Variants in NBR1 observed in about 807,000 individuals in gnomAD.
NBR1 encodes the protein next to BRCA1 gene 1 protein.
NBR1 carries 59 observed loss-of-function variants against 115.5 expected under a neutral mutation model. That is an observed-to-expected ratio of 0.51 (90% confidence interval 0.41 to 0.63). The LOEUF (loss-of-function observed/expected upper bound fraction) is 0.63. Ranked by LOEUF, NBR1 falls within the 30% of genes least tolerant of loss-of-function variation. The probability of loss-of-function intolerance (pLI) is 0.00; values close to 1 mark genes in which losing one functional copy is unlikely to be tolerated. For synonymous variants in NBR1, 373 were observed against 414.7 expected (o/e 0.90, Z 1.22); for missense variants, 1,043 against 1,150.5 (o/e 0.91, Z 1.35).
rs920033919 is a variant in NBR1 at position 43,203,560 on chromosome 17, C to G, written c.2622-121C>G. 3 of 612,712 alleles carry G rather than the reference C, an allele frequency of 4.9e-6. No individual in the cohort carries two copies. In the African/African-American group the frequency reaches 5.5e-5, roughly 11 times the overall value. 38.0% of individuals were successfully genotyped at this position (612,712 alleles called of 1,614,324 possible). On this transcript the variant is annotated intron_variant, in intron 19 of 20. Transcript: ENST00000590996. ...CTGATAATGAAAGCAATTGTGTTCT[C>G]TTTTTCCATCTAATTTTTTCTCTTA...
At chr17:43,204,155 G>A (rs775519906) in intron 20 of NBR1, among the ~76,000 whole-genome samples, 3 of 151,884 alleles carry the variant, frequency 2.0e-5, no homozygotes, top group Non-Finnish European at 4.4e-5. Context: ...AGCCAGGATG[G>A]TCTCAATCTC....
At chr17:43,179,994 C>G (rs1458112014) in intron 4 of NBR1, among the ~76,000 whole-genome samples, 1 of 152,094 alleles carries the variant, frequency 6.6e-6, no homozygotes, top group Non-Finnish European at 1.5e-5. Flanking sequence ...AAGAACTGAT[C>G]TACAGTAGAT....
chr17:43,209,113 G>A (rs1419110419), intron 20 of NBR1, among the ~76,000 whole-genome samples: 5 of 149,476 alleles, frequency 3.3e-5, no homozygotes, highest in African/African-American at 1.2e-4. Flanking sequence ...GTCTCGCTCT[G>A]TCACCCAGGC....
chr17:43,196,667 C>G (rs1230044423), intron 15 of NBR1, 76 bp downstream of exon 15: 6 of 1,113,796 alleles, frequency 5.4e-6, no homozygotes, highest in African/African-American at 4.7e-5. Flanking sequence ...CTATCCCCTA[C>G]TGACCCTACC....
At chr17:43,195,092 AC>A in intron 14 of NBR1, 53 bp downstream of exon 14, 2 of 1,388,938 alleles carry the variant, frequency 1.4e-6, no homozygotes, top group Non-Finnish European at 2.0e-6. Context: ...GCACAAAAGT[AC>A]CACAGCCTAG....
intron 4 of NBR1, 58 bp downstream of exon 4, chr17:43,179,470 G>A (rs545013193): frequency 6.8e-5 from 101 of 1,493,222 alleles, no homozygotes; most frequent in Non-Finnish European, 9.1e-5. Flanking sequence ...TGCTCATTGA[G>A]GCATTTCTAT....
rs143843534 is a variant in NBR1, at chr17:43,195,155, G to A, written c.1750+116G>A. 1,109 of 788,116 alleles carry A rather than the reference G, an allele frequency of 1.4e-3. 19 individuals carry two copies. In the Admixed American group the frequency reaches 0.022, roughly 16 times the overall value. 48.8% of individuals were successfully genotyped at this position (788,116 alleles called of 1,614,324 possible). A position where few individuals can be genotyped will look rare whatever the true frequency, so the allele number is the denominator to read the frequency against. On this transcript the variant is annotated intron_variant, in intron 14 of 20. Coordinates refer to ENST00000590996, the MANE Select transcript of NBR1 (RefSeq NM_005899.5). ...AATGGCAAGGATTTCTCCCACAGTA[G>A]GATAGTAAAGCAGCAATCATGGATC...
At chr17:43,201,641 T>G (rs762171507) in intron 17 of NBR1, 45 bp from the exon 18 acceptor site, 1 of 1,159,268 alleles carries the variant, frequency 8.6e-7, no homozygotes, top group African/African-American at 1.5e-5. Context: ...ACTGTTGCCA[T>G]AAGTGCCTTT....
chr17:43,191,077 T>G (rs2056932416), intron 9 of NBR1, among the ~76,000 whole-genome samples: 1 of 151,984 alleles, frequency 6.6e-6, no homozygotes, highest in African/African-American at 2.4e-5. Context: ...CATAGCAAGA[T>G]CCCGCCTCTA....
chr17:43,177,557 C>G (rs1212293795), intron 2 of NBR1, among the ~76,000 whole-genome samples: 1 of 141,666 alleles, frequency 7.1e-6, no homozygotes, highest in Non-Finnish European at 1.5e-5. Flanking sequence ...GTTCCCTACC[C>G]CACACCCCAC....
Position 43,190,726 on chromosome 17 carries a change from T to G in NBR1, c.813T>G (p.Cys271Trp), listed in dbSNP as rs2056924759. 6.2e-7 allele frequency: 1 copy of G among 1,613,792 alleles called. No individual in the cohort carries two copies. The highest frequency in any genetic ancestry group is 8.5e-7 in the Non-Finnish European group (1 of 1,179,760). ...RPVVGSSEPF[C>W]HSKYSTPRLP... ...TTGTGGGCTCCTCTGAACCGTTCTGTCACTCAAAGTACTCTACTCCTCGTC... is the reference window on the plus strand; with the variant it reads ...TTGTGGGCTCCTCTGAACCGTTCTGGCACTCAAAGTACTCTACTCCTCGTC... Residue 271 changes from cysteine to tryptophan, a missense_variant, in exon 9 of 21, where the codon TGT (cysteine) becomes TGG (tryptophan). By Grantham distance (215) the Cys-to-Trp change is radical. Transcript: ENST00000590996.
In NBR1 at chr17:43,210,801, A is replaced by G; in HGVS notation, c.*727A>G. 2.5e-6 allele frequency: 1 copy of G among 398,432 alleles called. No homozygotes were observed. Among genetic ancestry groups the G allele is most frequent in the Middle Eastern group, 6.3e-4 (1 of 1,584 alleles). 24.7% of individuals were successfully genotyped at this position (398,432 alleles called of 1,614,324 possible). A position where few individuals can be genotyped will look rare whatever the true frequency, so the allele number is the denominator to read the frequency against. Reference sequence around the variant, plus strand: ...TTTTGCATACATTTTTATTTAAGGGAAAAAATATAGGTATTGTGAAATATT... The same window carrying G: ...TTTTGCATACATTTTTATTTAAGGGGAAAAATATAGGTATTGTGAAATATT... On this transcript the variant is annotated 3_prime_UTR_variant, in exon 21 of 21. Transcript: ENST00000590996.
At position 43,210,783 on chromosome 17, in the gene NBR1, T is replaced by C. The variant is rs2057403300; in HGVS notation, c.*709T>C. ...CAATGTCTATTATAGTAATTTTGCATACATTTTTATTTAAGGGAAAAAATA... is the reference window on the plus strand; with the variant it reads ...CAATGTCTATTATAGTAATTTTGCACACATTTTTATTTAAGGGAAAAAATA... On this transcript the variant is annotated 3_prime_UTR_variant, in exon 21 of 21. Transcript: ENST00000590996. 5.0e-6 allele frequency: 2 copies of C among 398,540 alleles called. No individual in the cohort carries two copies. The highest frequency in any genetic ancestry group is 8.8e-5 in the Admixed American group (2 of 22,740). 24.7% of individuals were successfully genotyped at this position (398,540 alleles called of 1,614,324 possible). A position where few individuals can be genotyped will look rare whatever the true frequency, so the allele number is the denominator to read the frequency against.
At chr17:43,201,070 C>T (rs768217146) in intron 17 of NBR1, among the ~76,000 whole-genome samples, 55 of 152,168 alleles carry the variant, frequency 3.6e-4, no homozygotes, top group Non-Finnish European at 5.0e-4. Flanking sequence ...GGTTTTGCCA[C>T]GTTGTCCAGG....
At chr17:43,209,530 T>A in intron 20 of NBR1, 1 of 1,502,840 alleles carries the variant, frequency 6.7e-7, no homozygotes, top group Non-Finnish European at 9.0e-7. Context: ...ACTTCCCCCA[T>A]CATCACAATT....
chr17:43,189,299 C>G (rs1378610028), intron 7 of NBR1, among the ~76,000 whole-genome samples, 180 bp downstream of exon 7: 1 of 152,112 alleles, frequency 6.6e-6, no homozygotes. Context: ...AGTGAAGTGT[C>G]AGAAAAAGAG....
intron 8 of NBR1, 191 bp downstream of exon 8, chr17:43,189,993 T>A (rs1042776114): frequency 3.3e-6 from 2 of 602,318 alleles, no homozygotes; most frequent in African/African-American, 3.7e-5. Context: ...GATTGTTGTG[T>A]TCAAATGTGC....
At chr17:43,184,982 G>A (rs1047167988) in intron 5 of NBR1, among the ~76,000 whole-genome samples, 1 of 151,736 alleles carries the variant, frequency 6.6e-6, no homozygotes, top group African/African-American at 2.4e-5. Flanking sequence ...CCAGCTACTC[G>A]GGAGGCTGAG....
intron 14 of NBR1, 111 bp downstream of exon 14, chr17:43,195,150 C>A: frequency 1.2e-6 from 1 of 822,152 alleles, no homozygotes; most frequent in Non-Finnish European, 2.0e-6. Flanking sequence ...ATTTCTCCCA[C>A]AGTAGGATAG....
Sources: allele counts gnomAD v4.1 joint callset (sites outside exome capture counted in the v4.1 genomes callset), GRCh38; gene constraint gnomAD v4.1.1; transcripts MANE v1.5; gene names NCBI Gene and HGNC (gene_info 2026-07-23, HGNC 2026-07-21).